The following PGPEP1L variants were observed in gnomAD, a reference collection of about 807,000 sequenced individuals.
The protein encoded by PGPEP1L is pyroglutamyl-peptidase I like.
PGPEP1L carries 7 observed loss-of-function variants against 6.0 expected under a neutral mutation model. The ratio of observed to expected loss-of-function variants is 1.17; its 90% CI spans 0.66 to 2.19. The LOEUF is 2.19. Ranked by LOEUF, PGPEP1L falls within the 30% of genes most tolerant of loss-of-function variation. The pLI is 0.00. For synonymous variants in PGPEP1L, 103 were observed against 83.9 expected, an observed-to-expected ratio of 1.23 and a Z score of -1.24; for missense variants, 209 against 192.5, an observed-to-expected ratio of 1.09 and a Z score of -0.51.
Position 98,968,245 on chromosome 15 carries a change from T to G in PGPEP1L, c.*233A>C. ...GAAAACAGATGACTCGGATTTCATT[T>G]TATTGTCATGAAAACCATAACTGAA... On this transcript the variant is annotated 3_prime_UTR_variant, in exon 5 of 5. Transcript: ENST00000535714. 1 of 554,000 alleles carries G rather than the reference T, an allele frequency of 1.8e-6. No individual in the cohort carries two copies. The highest frequency in any genetic ancestry group is 3.2e-6 in the Non-Finnish European group (1 of 309,712). 34.3% of individuals were successfully genotyped at this position (554,000 alleles called of 1,614,324 possible). A position where few individuals can be genotyped will look rare whatever the true frequency, so the allele number is the denominator to read the frequency against.
intron 2 of PGPEP1L, among the ~76,000 whole-genome samples, chr15:98,972,872 CAAAAAAAAAAAA>C (rs58126997): frequency 8.8e-5 from 4 of 45,654 alleles, no homozygotes; most frequent in Non-Finnish European, 1.1e-4. Context: ...GACTCCGTCT[CAAAAAAAAAAAA>C]AAAAAAAAAA....
rs1470608518 is a variant in PGPEP1L, at chr15:99,007,650, G to C, written c.-661C>G. On this transcript the variant is annotated 5_prime_UTR_variant, in exon 1 of 5. Transcript: ENST00000535714. ...GGGTCCGTGATGTGGCTGGCTTTAA[G>C]AACGAAGCTGCAGACCTTCACGGTG... 2.0e-5 allele frequency: 3 copies of C among 152,222 alleles called. No individual in the cohort carries two copies. Among genetic ancestry groups the C allele is most frequent in the African/African-American group, 7.2e-5 (3 of 41,436 alleles). The allele number at this position is 152,222 out of a possible 1,614,324, so 9.4% of individuals were successfully genotyped here.
intron 2 of PGPEP1L, among the ~76,000 whole-genome samples, chr15:98,979,079 T>C (rs1415380659): frequency 6.6e-6 from 1 of 151,872 alleles, no homozygotes; most frequent in African/African-American, 2.4e-5. Flanking sequence ...AGCACAAATA[T>C]AGCCCCAATG....
In PGPEP1L at chr15:98,971,202, G is replaced by C. The variant is rs767615482; in HGVS notation, c.-141-44C>G. Reference sequence around the variant, plus strand: ...GGACTTGCCTCAGTTGATGGGGGGGGGGGGGGGGTGGGCACCAAGAGTCCC... The same window carrying C: ...GGACTTGCCTCAGTTGATGGGGGGGCGGGGGGGGTGGGCACCAAGAGTCCC... On this transcript the variant is annotated intron_variant, in intron 2 of 4. Coordinates refer to ENST00000535714, the MANE Select transcript of PGPEP1L (RefSeq NM_001167902.2). 1.5e-4 allele frequency: 110 copies of C among 710,272 alleles called. 8 individuals are homozygous for C. The highest frequency in any genetic ancestry group is 3.0e-4 in the African/African-American group (9 of 29,800). 44.0% of individuals were successfully genotyped at this position (710,272 alleles called of 1,614,324 possible).
At chr15:98,991,975 A>G (rs1162358980) in intron 2 of PGPEP1L, among the ~76,000 whole-genome samples, 5 of 152,208 alleles carry the variant, frequency 3.3e-5, no homozygotes, top group Non-Finnish European at 7.4e-5. Context: ...GCTATTTATG[A>G]CAAACCCACA....
chr15:98,998,891 C>T (rs1379938811), intron 2 of PGPEP1L, among the ~76,000 whole-genome samples: 2 of 152,196 alleles, frequency 1.3e-5, no homozygotes, highest in East Asian at 3.9e-4. Flanking sequence ...AGGAGAATCG[C>T]TTGAACCCGG....
intron 2 of PGPEP1L, among the ~76,000 whole-genome samples, chr15:98,979,836 G>A (rs1483051463): frequency 6.6e-6 from 1 of 151,992 alleles, no homozygotes. Flanking sequence ...TTTTAGTAGA[G>A]ATGGGGTTTT....
intron 2 of PGPEP1L, among the ~76,000 whole-genome samples, chr15:98,974,445 G>A (rs528727251): frequency 3.9e-5 from 6 of 152,024 alleles, no homozygotes; most frequent in Admixed American, 2.0e-4. Flanking sequence ...ATTTAACCAC[G>A]AAGAAATAAA....
At chr15:99,002,426 T>C (rs2017986055) in intron 2 of PGPEP1L, among the ~76,000 whole-genome samples, 1 of 152,196 alleles carries the variant, frequency 6.6e-6, no homozygotes, top group Non-Finnish European at 1.5e-5. Flanking sequence ...TTTGTGGTGA[T>C]GGTACTGCTA....
At chr15:99,002,618 T>C (rs1555473179) in intron 2 of PGPEP1L, among the ~76,000 whole-genome samples, 1 of 151,472 alleles carries the variant, frequency 6.6e-6, no homozygotes. Flanking sequence ...GGAACCTCTG[T>C]ACACTTCTTG....
At chr15:98,972,616 C>T (rs923586411) in intron 2 of PGPEP1L, among the ~76,000 whole-genome samples, 4 of 151,890 alleles carry the variant, frequency 2.6e-5, no homozygotes, top group Non-Finnish European at 2.9e-5. Context: ...CGCCTGTAAT[C>T]GCAGCACTTT....
chr15:99,004,643 A>T (rs7164619), intron 2 of PGPEP1L, among the ~76,000 whole-genome samples: 1 of 152,078 alleles, frequency 6.6e-6, no homozygotes. Flanking sequence ...GCTTGAACCC[A>T]GGAGGCGGAG....
intron 2 of PGPEP1L, among the ~76,000 whole-genome samples, chr15:98,982,453 TCTC>T (rs1312757307): frequency 1.3e-5 from 2 of 152,188 alleles, no homozygotes; most frequent in African/African-American, 2.4e-5. Context: ...CTTGGTTACT[TCTC>T]TTCCCACTAA....
chr15:98,977,372 C>T (rs114806002), intron 2 of PGPEP1L, among the ~76,000 whole-genome samples: 308 of 152,290 alleles, frequency 2.0e-3, no homozygotes, highest in African/African-American at 7.1e-3. Context: ...CCATAAATTT[C>T]CCTCTGATAT....
In PGPEP1L at chr15:98,983,993, C is replaced by T. The variant is rs889678905; in HGVS notation, c.-141-12835G>A. 1.2e-4 allele frequency among the ~76,000 whole-genome samples: 18 copies of T among 148,492 alleles called. 1 individual carries two copies. The highest frequency in any genetic ancestry group is 4.2e-4 in the African/African-American group (17 of 40,086). The stretch of plus-strand genomic sequence containing the variant: ...ATGAGTTCCCATTTATAATGCCTGG[C>T]AGTGGAGTAAGTAGTCTTTTTTTTT... On this transcript the variant is annotated intron_variant, in intron 2 of 4. Coordinates refer to ENST00000535714, the MANE Select transcript of PGPEP1L (RefSeq NM_001167902.2).
chr15:98,982,514 A>G (rs1459595826), intron 2 of PGPEP1L, among the ~76,000 whole-genome samples: 1 of 152,126 alleles, frequency 6.6e-6, no homozygotes, highest in African/African-American at 2.4e-5. Flanking sequence ...AAGGAGGTGT[A>G]AGACGTCATG....
chr15:98,996,010 AACT>A (rs1555472469), intron 2 of PGPEP1L, among the ~76,000 whole-genome samples: 1 of 152,108 alleles, frequency 6.6e-6, no homozygotes, highest in African/African-American at 2.4e-5. Flanking sequence ...TCACCTCAAC[AACT>A]GTTTTAAATT....
At chr15:98,996,242 A>G (rs576417367) in intron 2 of PGPEP1L, among the ~76,000 whole-genome samples, 1 of 152,272 alleles carries the variant, frequency 6.6e-6, no homozygotes, top group Admixed American at 6.5e-5. Flanking sequence ...GGAAATTGAC[A>G]TTTAGTTTAT....
At chr15:98,979,921 A>G (rs1440745624) in intron 2 of PGPEP1L, among the ~76,000 whole-genome samples, 1 of 152,064 alleles carries the variant, frequency 6.6e-6, no homozygotes, top group Non-Finnish European at 1.5e-5. Flanking sequence ...TTCTAAGTGA[A>G]GTAACTCAGG....
Sources: allele counts gnomAD v4.1 joint callset (sites outside exome capture counted in the v4.1 genomes callset), GRCh38; gene constraint gnomAD v4.1.1; transcripts MANE v1.5; gene names NCBI Gene and HGNC (gene_info 2026-07-23, HGNC 2026-07-21).